Variants in AP3M1 observed in about 807,000 individuals in gnomAD.
The protein encoded by AP3M1 is AP-3 complex subunit mu-1.
In AP3M1, 29 loss-of-function variants were observed where a neutral mutation model predicts 42.6. The ratio of observed to expected loss-of-function variants is 0.68; its 90% CI spans 0.51 to 0.93. The LOEUF is 0.93. Ranked by LOEUF, AP3M1 falls within the 40% of genes least tolerant of loss-of-function variation. The pLI is 0.00. For missense variants in AP3M1, 416 were observed against 510.2 expected, an observed-to-expected ratio of 0.82 and a Z score of 1.78; for synonymous variants, 178 against 175.3, an observed-to-expected ratio of 1.02 and a Z score of -0.12.
chr10:74,137,958 A>G, intron 2 of AP3M1, 149 bp downstream of exon 2: 1 of 779,522 alleles, frequency 1.3e-6, no homozygotes, highest in Non-Finnish European at 2.0e-6. Context: ...GTAACTGTAT[A>G]CCACACAGAA....
At chr10:74,127,922 A>G (rs11000877) in intron 6 of AP3M1, among the ~76,000 whole-genome samples, 110,140 of 150,336 alleles carry the variant, frequency 0.73, 41,039 homozygotes, top group Middle Eastern at 0.85. Flanking sequence ...CCAACATGGA[A>G]TAACCCCGCC....
intron 1 of AP3M1, among the ~76,000 whole-genome samples, chr10:74,140,658 A>G (rs1307970487): frequency 6.6e-6 from 1 of 152,194 alleles, no homozygotes; most frequent in African/African-American, 2.4e-5. Flanking sequence ...TCCTGATTTC[A>G]AAACTTACTA....
Position 74,126,144 on chromosome 10 carries a change from G to A in AP3M1, c.1011+4C>T, listed in dbSNP as rs1400230708. ...TGCTCACTCTTGATTTGAAGTGGCT[G>A]TACCTTGGTGACTGGATCAAATGTA... On this transcript the variant is annotated splice_donor_region_variant and intron_variant, in intron 7 of 8. Coordinates refer to ENST00000355264, the MANE Select transcript of AP3M1 (RefSeq NM_012095.6). The A allele has an allele frequency of 6.2e-7, 1 of 1,613,864 alleles. No homozygotes were observed. Among genetic ancestry groups the A allele is most frequent in the African/African-American group, 1.3e-5 (1 of 74,924 alleles).
intron 2 of AP3M1, 25 bp downstream of exon 2, chr10:74,138,082 T>C (rs1841001087): frequency 6.3e-7 from 1 of 1,596,364 alleles, no homozygotes; most frequent in Admixed American, 1.7e-5. Flanking sequence ...TCATTTAACT[T>C]AGAAAGGTAT....
At chr10:74,128,820 C>A in intron 6 of AP3M1, 1 of 279,166 alleles carries the variant, frequency 3.6e-6, no homozygotes, top group South Asian at 5.1e-5. Flanking sequence ...CATGCATAAC[C>A]TTGCAAAGGA....
At chr10:74,128,124 A>C (rs12776035) in intron 6 of AP3M1, among the ~76,000 whole-genome samples, 3 of 137,626 alleles carry the variant, frequency 2.2e-5, no homozygotes, top group African/African-American at 8.6e-5. Flanking sequence ...AAAAAAAAAA[A>C]GGAAAAGAAA....
At chr10:74,137,626 T>C (rs113667519) in intron 2 of AP3M1, among the ~76,000 whole-genome samples, 2,713 of 152,306 alleles carry the variant, frequency 0.018, 43 homozygotes, top group Non-Finnish European at 0.026. Flanking sequence ...CCCCTGTAGA[T>C]ACCAAAGTTC....
chr10:74,134,814 A>G lies in AP3M1; in HGVS notation c.446-650T>C, dbSNP rs1840892884. Among the ~76,000 whole-genome samples, 3 of 152,236 alleles carry G rather than the reference A, an allele frequency of 2.0e-5. No homozygotes were observed. In the South Asian group the frequency reaches 6.2e-4, roughly 31 times the overall value. ...ATTCGAAAGTACTACATACTTAACA[A>G]CAACAAAAAGGTAGAGTTCAGAGAA... On this transcript the variant is annotated intron_variant, in intron 3 of 8. Coordinates refer to ENST00000355264, the MANE Select transcript of AP3M1 (RefSeq NM_012095.6).
intron 4 of AP3M1, 59 bp downstream of exon 4, chr10:74,133,968 T>C: frequency 6.9e-6 from 11 of 1,592,430 alleles, no homozygotes; most frequent in Non-Finnish European, 8.6e-6. Context: ...TTCAGTTTTC[T>C]ATTCATCTGT....
rs1840456996 is a variant in AP3M1, at chr10:74,121,483, A to G, written c.*2327T>C. 1 of 152,252 alleles carries G rather than the reference A, an allele frequency of 6.6e-6. No individual in the cohort carries two copies. Among genetic ancestry groups the G allele is most frequent in the South Asian group, 2.1e-4 (1 of 4,838 alleles). The allele number at this position is 152,252 out of a possible 1,614,324, so 9.4% of individuals were successfully genotyped here. On this transcript the variant is annotated 3_prime_UTR_variant, in exon 9 of 9. Coordinates refer to ENST00000355264, the MANE Select transcript of AP3M1 (RefSeq NM_012095.6). ...GAAAAATATTTTACTACTACTAAGT[A>G]TTCAGAAATCTTTGTTATCAGTAGG...
At chr10:74,132,792 T>C (rs1269144973) in intron 4 of AP3M1, among the ~76,000 whole-genome samples, 1 of 151,782 alleles carries the variant, frequency 6.6e-6, no homozygotes, top group Non-Finnish European at 1.5e-5. Context: ...AGCAAAAGCA[T>C]GGTATATAGC....
chr10:74,142,256 T>C (rs1334037491), intron 1 of AP3M1, among the ~76,000 whole-genome samples: 1 of 152,166 alleles, frequency 6.6e-6, no homozygotes, highest in African/African-American at 2.4e-5. Context: ...GGCTCAATCA[T>C]TCCAAGTAAT....
In AP3M1 at chr10:74,124,527, T is replaced by TA; in HGVS notation, c.1012-4dup. 6.3e-7 allele frequency: 1 copy of TA among 1,575,694 alleles called. No individual in the cohort carries two copies. The highest frequency in any genetic ancestry group is 8.6e-7 in the Non-Finnish European group (1 of 1,167,030). On this transcript the variant is annotated splice_region_variant and splice_polypyrimidine_tract_variant and intron_variant, in intron 7 of 8. Coordinates refer to ENST00000355264, the MANE Select transcript of AP3M1 (RefSeq NM_012095.6). ...TTTCCCACATCCCATGTTAGTACCTTAAAAAGACAAAAAATGAAAAACAAA... is the reference window on the plus strand; with the variant it reads ...TTTCCCACATCCCATGTTAGTACCTTAAAAAAGACAAAAAATGAAAAACAAA...
intron 1 of AP3M1, among the ~76,000 whole-genome samples, chr10:74,142,256 T>A (rs1334037491): frequency 1.3e-5 from 2 of 152,166 alleles, no homozygotes; most frequent in Non-Finnish European, 2.9e-5. Flanking sequence ...GGCTCAATCA[T>A]TCCAAGTAAT....
intron 6 of AP3M1, among the ~76,000 whole-genome samples, chr10:74,127,082 C>T (rs1039908143): frequency 6.0e-5 from 9 of 149,510 alleles, no homozygotes; most frequent in Non-Finnish European, 1.3e-4. Context: ...TTACAGTGTA[C>T]TATCACAAGT....
rs202202576 is a variant in AP3M1 at position 74,134,009 on chromosome 10, T to A, written c.583+18A>T. The A allele has an allele frequency of 1.9e-6, 3 of 1,612,274 alleles. No homozygotes were observed. In the East Asian group the frequency reaches 6.7e-5, roughly 36 times the overall value. On this transcript the variant is annotated intron_variant, in intron 4 of 8. Transcript: ENST00000355264. ...ATGAATTGTTTTTCCCCAAATAAGA[T>A]GACATGCACACAATTACCTGATTTA...
At position 74,150,819 on chromosome 10, in the gene AP3M1, A is replaced by G; in HGVS notation, c.-68T>C. 1 of 183,492 alleles carries G rather than the reference A, an allele frequency of 5.4e-6. No homozygotes were observed. Among genetic ancestry groups the G allele is most frequent in the South Asian group, 8.6e-5 (1 of 11,654 alleles). 11.4% of individuals were successfully genotyped at this position (183,492 alleles called of 1,614,324 possible). On this transcript the variant is annotated 5_prime_UTR_variant, in exon 1 of 9. Coordinates refer to ENST00000355264, the MANE Select transcript of AP3M1 (RefSeq NM_012095.6). The stretch of plus-strand genomic sequence containing the variant: ...TCTCCTACCGAAGCTGGAGAAGCCG[A>G]GAAGGCCGCGAGGACCCGCAGCTGG...
intron 5 of AP3M1, 106 bp from the exon 6 acceptor site, chr10:74,129,347 G>A (rs1055158754): frequency 2.7e-5 from 31 of 1,142,208 alleles, no homozygotes; most frequent in Middle Eastern, 4.1e-4. Context: ...AGTCATGGAA[G>A]AGTTTATGAC....
At position 74,123,505 on chromosome 10, in the gene AP3M1, C is replaced by G. The variant is rs1840528569; in HGVS notation, c.*305G>C. On this transcript the variant is annotated 3_prime_UTR_variant, in exon 9 of 9. Coordinates refer to ENST00000355264, the MANE Select transcript of AP3M1 (RefSeq NM_012095.6). ...AACTCTTTTAGGAGAGAGGTTATCA[C>G]TACAGCTTTCTGCCTTTACTGTTAC... 1 of 379,990 alleles carries G rather than the reference C, an allele frequency of 2.6e-6. No individual in the cohort carries two copies. Among genetic ancestry groups the G allele is most frequent in the Non-Finnish European group, 4.8e-6 (1 of 208,298 alleles). The allele number at this position is 379,990 out of a possible 1,614,324, so 23.5% of individuals were successfully genotyped here. A position where few individuals can be genotyped will look rare whatever the true frequency, so the allele number is the denominator to read the frequency against.
Sources: allele counts gnomAD v4.1 joint callset (sites outside exome capture counted in the v4.1 genomes callset), GRCh38; gene constraint gnomAD v4.1.1; transcripts MANE v1.5; gene names NCBI Gene and HGNC (gene_info 2026-07-23, HGNC 2026-07-21).